Variants in TNPO2 observed in about 807,000 individuals in gnomAD.
The protein encoded by TNPO2 is transportin 2, also known as transportin-2.
In TNPO2, 16 loss-of-function variants were observed where a neutral mutation model predicts 111.1. That is an observed-to-expected ratio of 0.14 (90% confidence interval 0.10 to 0.22). TNPO2 has a LOEUF of 0.22. Ranked by LOEUF, TNPO2 falls within the 10% of genes least tolerant of loss-of-function variation. The probability of loss-of-function intolerance (pLI) is 1.00; values close to 1 mark genes in which losing one functional copy is unlikely to be tolerated. For missense variants in TNPO2, 530 were observed against 1,173.7 expected (o/e 0.45, Z 8.01); for synonymous variants, 481 against 475.8 (o/e 1.01, Z -0.14).
At chr19:12,711,134 T>G (rs2026017742) in intron 12 of TNPO2, 162 bp downstream of exon 12, 1 of 844,990 alleles carries the variant, frequency 1.2e-6, no homozygotes, top group African/African-American at 1.7e-5. Flanking sequence ...GACCTCGTGA[T>G]CCGCCCGCCT....
chr19:12,701,815 C>T lies in TNPO2; in HGVS notation c.2448G>A (p.Glu816=). 6.2e-7 allele frequency: 1 copy of T among 1,613,856 alleles called. No individual in the cohort carries two copies. Among genetic ancestry groups the T allele is most frequent in the Non-Finnish European group, 8.5e-7 (1 of 1,179,878 alleles). ...TSLRNIRDNE[E]KDSAFRGICM... Reference sequence around the variant, plus strand: ...AGATGCCGCGGAAGGCTGAGTCCTTCTCCTCGTTGTCCCTGATGTTCCTGA... The same window carrying T: ...AGATGCCGCGGAAGGCTGAGTCCTTTTCCTCGTTGTCCCTGATGTTCCTGA... Residue 816 remains glutamate, a synonymous_variant, in exon 23 of 26, where the codon GAG becomes GAA. Transcript: ENST00000425528. The surrounding 1 kb of genome is among the most constrained non-coding windows in gnomAD (Gnocchi z 5.0).
At chr19:12,723,188 T>C (rs1414956369) in intron 2 of TNPO2, 61 bp downstream of exon 2, 1 of 152,214 alleles carries the variant, frequency 6.6e-6, no homozygotes, top group Non-Finnish European at 1.5e-5. Flanking sequence ...TATAAATTTT[T>C]GAATAAAACG....
intron 13 of TNPO2, among the ~76,000 whole-genome samples, chr19:12,707,306 C>T (rs530000396): frequency 2.6e-4 from 39 of 151,988 alleles, no homozygotes; most frequent in Admixed American, 1.9e-3. Context: ...CAAAGAGCTC[C>T]GTGTTATTGC....
At chr19:12,714,721 A>C in intron 10 of TNPO2, 100 bp downstream of exon 10, 1 of 915,140 alleles carries the variant, frequency 1.1e-6, no homozygotes, top group Non-Finnish European at 1.8e-6. Flanking sequence ...ACTGACAAGG[A>C]TGTGGACTGA....
chr19:12,700,231 T>G lies in TNPO2; in HGVS notation c.*1033A>C, dbSNP rs722572. Reference sequence around the variant, plus strand: ...ACCTGTGTCCTCTGTCATCATCAATTAAACGCCCCTGCCCCAGGCCTTGAG... The same window carrying G: ...ACCTGTGTCCTCTGTCATCATCAATGAAACGCCCCTGCCCCAGGCCTTGAG... On this transcript the variant is annotated 3_prime_UTR_variant, in exon 26 of 26. Coordinates refer to ENST00000425528, the MANE Select transcript of TNPO2 (RefSeq NM_001382241.1). 1 of 151,844 alleles carries G rather than the reference T, an allele frequency of 6.6e-6. No individual in the cohort carries two copies. The highest frequency in any genetic ancestry group is 1.5e-5 in the Non-Finnish European group (1 of 67,968). 9.4% of individuals were successfully genotyped at this position (151,844 alleles called of 1,614,324 possible).
chr19:12,709,963 G>A (rs2025947512), intron 13 of TNPO2, among the ~76,000 whole-genome samples: 1 of 152,046 alleles, frequency 6.6e-6, no homozygotes, highest in Non-Finnish European at 1.5e-5. Context: ...GAGGGTTTTT[G>A]CTGCCATGCC....
rs2025672103 is a variant in TNPO2, at chr19:12,706,445, A to C, written c.1497-78T>G. The C allele has an allele frequency of 2.5e-6, 4 of 1,590,844 alleles. No homozygotes were observed. Among genetic ancestry groups the C allele is most frequent in the Non-Finnish European group, 3.4e-6 (4 of 1,159,686 alleles). ...TGGGCCATGGGCAGTTGGGGAGGGC[A>C]ACTCAGGATCAGCCAGTACGAATAC... On this transcript the variant is annotated intron_variant, in intron 14 of 25. Transcript: ENST00000425528. The surrounding 1 kb of genome is among the most constrained non-coding windows in gnomAD (Gnocchi z 7.0).
chr19:12,721,218 C>T lies in TNPO2; in HGVS notation c.-13-228G>A. ...CGGGAGGGGGGATGTGGAAACGGGCCACAGGCGGCGGCGGCGGGGCCCGGC... is the reference window on the plus strand; with the variant it reads ...CGGGAGGGGGGATGTGGAAACGGGCTACAGGCGGCGGCGGCGGGGCCCGGC... On this transcript the variant is annotated intron_variant, in intron 2 of 25. Transcript: ENST00000425528. The surrounding 1 kb of genome is among the most constrained non-coding windows in gnomAD (Gnocchi z 4.9). 1 of 1,356,374 alleles carries T rather than the reference C, an allele frequency of 7.4e-7. No individual in the cohort carries two copies. The highest frequency in any genetic ancestry group is 1.6e-5 in the South Asian group (1 of 63,360). 84.0% of individuals were successfully genotyped at this position (1,356,374 alleles called of 1,614,324 possible). A position where few individuals can be genotyped will look rare whatever the true frequency, so the allele number is the denominator to read the frequency against.
At chr19:12,718,934 G>A (rs904697890) in intron 5 of TNPO2, 95 bp downstream of exon 5, 11 of 1,482,400 alleles carry the variant, frequency 7.4e-6, no homozygotes, top group Non-Finnish European at 1.0e-5. Flanking sequence ...CTACCATAGA[G>A]GGTGCCAGAG....
chr19:12,701,849 C>T lies in TNPO2; in HGVS notation c.2414G>A (p.Cys805Tyr). 6.2e-7 allele frequency: 1 copy of T among 1,612,478 alleles called. No individual in the cohort carries two copies. The change falls in exon 23 of 26, where the codon TGC becomes TAC. Residue 805 changes from cysteine to tyrosine, a missense_variant and splice_region_variant. Physicochemically the swap from Cys to Tyr is radical, Grantham distance 194. Coordinates refer to ENST00000425528, the MANE Select transcript of TNPO2 (RefSeq NM_001382241.1). This position sits in a 1 kb window ranked among gnomAD's most constrained non-coding sequence, Gnocchi z 5.0. ...GTCCCTGATGTTCCTGAGGGACGTG[C>T]ACCTGTGGGAAGGTGAGCAGCTGGA... is the stretch of plus-strand genomic sequence containing the variant. ...PMLQQFIRPWCTSLRNIRDNE... is the reference protein window; with the variant it reads ...PMLQQFIRPWYTSLRNIRDNE...
At position 12,712,430 on chromosome 19, in the gene TNPO2, G is replaced by A. The variant is rs186506254; in HGVS notation, c.891-817C>T. ...CAGTCAGGTTTGCCCGCAGTTATCCGGAGGCCTAACCGTCTCCCTGAGATG... is the reference window on the plus strand; with the variant it reads ...CAGTCAGGTTTGCCCGCAGTTATCCAGAGGCCTAACCGTCTCCCTGAGATG... On this transcript the variant is annotated intron_variant, in intron 10 of 25. Transcript: ENST00000425528. Among the ~76,000 whole-genome samples, 6 of 152,270 alleles carry A rather than the reference G, an allele frequency of 3.9e-5. No individual in the cohort carries two copies. The East Asian group carries it at 5.8e-4, about 15-fold the overall frequency.
At position 12,699,460 on chromosome 19, in the gene TNPO2, TTTTTA is replaced by T. The variant is rs1355334041; in HGVS notation, c.*1799_*1803del. The T allele has an allele frequency of 9.1e-5, 13 of 142,974 alleles. No individual in the cohort carries two copies. Among genetic ancestry groups the T allele is most frequent in the African/African-American group, 2.4e-4 (8 of 33,130 alleles). The allele number at this position is 142,974 out of a possible 1,614,324, so 8.9% of individuals were successfully genotyped here. On this transcript the variant is annotated 3_prime_UTR_variant, in exon 26 of 26. Transcript: ENST00000425528. ...ATAAATTAAAAAATTAAATAGTTTT[TTTTTA>T]AAAAAAAAAAAAAAAAGGAAAACGA... is the stretch of plus-strand genomic sequence containing the variant.
Position 12,715,206 on chromosome 19 carries a change from A to C in TNPO2, c.648+37T>G. The C allele has an allele frequency of 6.2e-7, 1 of 1,613,786 alleles. No individual in the cohort carries two copies. The highest frequency in any genetic ancestry group is 8.5e-7 in the Non-Finnish European group (1 of 1,179,824). On this transcript the variant is annotated intron_variant, in intron 8 of 25. Coordinates refer to ENST00000425528, the MANE Select transcript of TNPO2 (RefSeq NM_001382241.1). The surrounding 1 kb of genome is among the most constrained non-coding windows in gnomAD (Gnocchi z 7.1). ...AACAGGGTCAGTTGTAGGGGCCCTC[A>C]GTCCTCGCCCTGCCCACCCCCAGCC...
At chr19:12,714,691 T>C (rs2026266620) in intron 10 of TNPO2, 130 bp downstream of exon 10, 4 of 732,782 alleles carry the variant, frequency 5.5e-6, no homozygotes, top group Non-Finnish European at 9.2e-6. Context: ...CACTTACACA[T>C]AAATATATAC....
rs998302990 is a variant in TNPO2 at position 12,700,299 on chromosome 19, A to T, written c.*965T>A. 1.3e-5 allele frequency: 2 copies of T among 152,148 alleles called. No individual in the cohort carries two copies. Among genetic ancestry groups the T allele is most frequent in the African/African-American group, 4.8e-5 (2 of 41,398 alleles). 9.4% of individuals were successfully genotyped at this position (152,148 alleles called of 1,614,324 possible). ...AACGTGAGAAGGGGGTTTCAGAAGC[A>T]CAGAGAAACGGACTGCCCCTGAAGC... On this transcript the variant is annotated 3_prime_UTR_variant, in exon 26 of 26. Coordinates refer to ENST00000425528, the MANE Select transcript of TNPO2 (RefSeq NM_001382241.1).
chr19:12,706,197 G>A lies in TNPO2; in HGVS notation c.1667C>T (p.Pro556Leu), dbSNP rs761034195. 6.8e-6 allele frequency: 11 copies of A among 1,612,990 alleles called. No individual in the cohort carries two copies. Among genetic ancestry groups the A allele is most frequent in the East Asian group, 6.7e-5 (3 of 44,872 alleles). Residue 556 changes from proline to leucine, a missense_variant and splice_region_variant, in exon 15 of 26, where the codon CCG (proline) becomes CTG (leucine). By Grantham distance (98) the Pro-to-Leu change is moderately conservative. Coordinates refer to ENST00000425528, the MANE Select transcript of TNPO2 (RefSeq NM_001382241.1). This position sits in a 1 kb window ranked among gnomAD's most constrained non-coding sequence, Gnocchi z 7.0. ...ADSVGHHLNQ[P>L]EYIQKLMPPL... ...GCGGGAGCCGCTCTGGGGTCTCACC[G>A]GCTGGTTGAGGTGGTGGCCTACAGA...
intron 13 of TNPO2, among the ~76,000 whole-genome samples, chr19:12,707,348 TAATTG>T (rs2025745700): frequency 6.6e-6 from 1 of 152,218 alleles, no homozygotes; most frequent in Non-Finnish European, 1.5e-5. Context: ...ATTCATGTGT[TAATTG>T]AATTCATGTG....
Position 12,719,828 on chromosome 19 carries a change from G to A in TNPO2, c.100-492C>T, listed in dbSNP as rs2026573125. ...AAAAAAAAAATCATACAAGGAGTTG[G>A]GTGGAAATGTCTGAGTTTCCCATCC... On this transcript the variant is annotated intron_variant, in intron 3 of 25. Transcript: ENST00000425528. This position sits in a 1 kb window ranked among gnomAD's most constrained non-coding sequence, Gnocchi z 5.0. 6.6e-6 allele frequency among the ~76,000 whole-genome samples: 1 copy of A among 151,714 alleles called. No individual in the cohort carries two copies. The highest frequency in any genetic ancestry group is 2.1e-4 in the South Asian group (1 of 4,804).
intron 19 of TNPO2, 28 bp from the exon 20 acceptor site, chr19:12,703,554 A>G (rs138020351): frequency 3.8e-5 from 61 of 1,610,768 alleles, no homozygotes; most frequent in South Asian, 6.6e-5. Flanking sequence ...GGGTGCTGAG[A>G]AGGAGGGCCA....
Sources: gnomAD v4.1 joint callset for allele counts (sites outside exome capture counted in the v4.1 genomes callset) on GRCh38, gnomAD v4.1.1 for gene constraint, Gnocchi (gnomAD v3.1) non-coding constraint, MANE v1.5 for transcripts, NCBI Gene and HGNC (gene_info 2026-07-23, HGNC 2026-07-21) for gene names.